The following SEPTIN4 variants were observed in gnomAD, a reference collection of about 807,000 sequenced individuals.
The protein encoded by SEPTIN4 is septin 4, also known as septin-4.
A neutral mutation model predicts 107.1 loss-of-function variants in SEPTIN4; 52 were observed. That is an observed-to-expected ratio of 0.49 (90% CI 0.39 to 0.61). The LOEUF is 0.61. Ranked by LOEUF, SEPTIN4 falls within the 20% of genes least tolerant of loss-of-function variation. SEPTIN4 has a pLI of 0.00. For missense variants in SEPTIN4, 1,048 were observed against 1,243.5 expected (o/e 0.84, Z 2.36); for synonymous variants, 417 against 467.0 (o/e 0.89, Z 1.38).
intron 4 of SEPTIN4, 108 bp from the exon 5 acceptor site, chr17:58,526,421 C>T (rs2042883059): frequency 1.5e-6 from 2 of 1,377,038 alleles, no homozygotes; most frequent in Admixed American, 3.5e-5. Flanking sequence ...CTTAAAAAAG[C>T]AGTGCCAGAC....
rs572555425 is a variant in SEPTIN4, at chr17:58,521,460, C to T, written c.2571+85G>A. On this transcript the variant is annotated intron_variant, in intron 10 of 13. Coordinates refer to ENST00000672673, the MANE Select transcript of SEPTIN4 (RefSeq NM_001368771.2). The surrounding 1 kb of genome is among the most constrained non-coding windows in gnomAD (Gnocchi z 6.4). ...CTAGGAAGCCAGGGTCCTTTCCCAC[C>T]CTGATAGCCTGAATATAGAATTCTA... is the stretch of plus-strand genomic sequence containing the variant. The T allele has an allele frequency of 2.6e-6, 4 of 1,567,532 alleles. No homozygotes were observed. The African/African-American group carries it at 4.1e-5, about 16-fold the overall frequency.
rs563417422 is a variant in SEPTIN4, at chr17:58,520,260, C to T, written c.*166G>A. The T allele has an allele frequency of 3.2e-6, 2 of 632,876 alleles. No homozygotes were observed. The highest frequency in any genetic ancestry group is 5.6e-5 in the East Asian group (2 of 35,620). The allele number at this position is 632,876 out of a possible 1,614,324, so 39.2% of individuals were successfully genotyped here. A position where few individuals can be genotyped will look rare whatever the true frequency, so the allele number is the denominator to read the frequency against. On this transcript the variant is annotated 3_prime_UTR_variant, in exon 14 of 14. Coordinates refer to ENST00000672673, the MANE Select transcript of SEPTIN4 (RefSeq NM_001368771.2). ...ATACACACAGGGACACCAGAAGCCA[C>T]CTACAGATTTATTAAACTTTATTTC...
At chr17:58,532,052 C>T (rs2043520481) in intron 3 of SEPTIN4, 1 of 1,116,928 alleles carries the variant, frequency 9.0e-7, no homozygotes, top group Non-Finnish European at 1.1e-6. Context: ...GCACCGCCGT[C>T]ACCCTCCCGC....
chr17:58,525,811 T>C, intron 5 of SEPTIN4, 30 bp from the exon 6 acceptor site: 1 of 1,586,548 alleles, frequency 6.3e-7, no homozygotes, highest in Non-Finnish European at 8.7e-7. Context: ...AGGCACCAAA[T>C]CAGAAGGTAA....
intron 3 of SEPTIN4, among the ~76,000 whole-genome samples, chr17:58,537,020 C>A (rs1330968108): frequency 6.6e-6 from 1 of 152,238 alleles, no homozygotes; most frequent in Non-Finnish European, 1.5e-5. Context: ...TCACCACACA[C>A]CTTCTGAAAA....
chr17:58,523,183 G>A (rs2042456537), intron 7 of SEPTIN4, among the ~76,000 whole-genome samples: 1 of 152,052 alleles, frequency 6.6e-6, no homozygotes, highest in South Asian at 2.1e-4. Context: ...ACCAGACTGG[G>A]CAACATAGCG....
chr17:58,524,414 T>C (rs1479150912), intron 7 of SEPTIN4, among the ~76,000 whole-genome samples: 1 of 152,184 alleles, frequency 6.6e-6, no homozygotes, highest in Non-Finnish European at 1.5e-5. Context: ...CCTCCATACA[T>C]GCCCAGCCCT....
Position 58,522,084 on chromosome 17 carries a change from T to C in SEPTIN4, c.2234A>G (p.Glu745Gly), listed in dbSNP as rs201316821. The C allele has an allele frequency of 6.2e-7, 1 of 1,614,214 alleles. No homozygotes were observed. Among genetic ancestry groups the C allele is most frequent in the Non-Finnish European group, 8.5e-7 (1 of 1,180,040 alleles). Residue 745 changes from glutamate to glycine, a missense_variant, in exon 8 of 14, where the codon GAA (glutamate) becomes GGA (glycine). By Grantham distance (98) the Glu-to-Gly change is moderately conservative. Coordinates refer to ENST00000672673, the MANE Select transcript of SEPTIN4 (RefSeq NM_001368771.2). ...CTGCTCAAACTGCTGATCAATGTAT[T>C]CTGCCACAGGCTTCCAGCTGGGGCA... ...NNTECWKPVA[E>G]YIDQQFEQYF...
At chr17:58,522,217 C>A in intron 7 of SEPTIN4, 116 bp from the exon 8 acceptor site, 2 of 1,347,732 alleles carry the variant, frequency 1.5e-6, no homozygotes, top group Non-Finnish European at 2.0e-6. Context: ...ACTGTTATTC[C>A]CTGGCTTGCT....
At chr17:58,535,283 G>A (rs1226958870) in intron 3 of SEPTIN4, among the ~76,000 whole-genome samples, 1 of 152,236 alleles carries the variant, frequency 6.6e-6, no homozygotes, top group African/African-American at 2.4e-5. Flanking sequence ...CTGCTGAATG[G>A]CTGCAAAGAG....
intron 4 of SEPTIN4, 64 bp downstream of exon 4, chr17:58,526,618 C>A (rs1454935262): frequency 2.1e-6 from 3 of 1,423,946 alleles, no homozygotes; most frequent in Admixed American, 5.3e-5. Context: ...ACACACTCTG[C>A]TCCCTGCCCC....
At chr17:58,526,449 T>G in intron 4 of SEPTIN4, 136 bp from the exon 5 acceptor site, 1 of 1,389,466 alleles carries the variant, frequency 7.2e-7, no homozygotes. Flanking sequence ...AGTTCCCATC[T>G]GAGGCCACCA....
Position 58,520,658 on chromosome 17 carries a change from C to G in SEPTIN4, c.2931+85G>C, listed in dbSNP as rs1353995713. On this transcript the variant is annotated intron_variant, in intron 13 of 13. Coordinates refer to ENST00000672673, the MANE Select transcript of SEPTIN4 (RefSeq NM_001368771.2). ...CCAGGACCCAAATATGCACCAGAGC[C>G]AGGGATCTTTCTATTACCAAACAAA... 1.9e-6 allele frequency: 3 copies of G among 1,575,856 alleles called. No individual in the cohort carries two copies. In the African/African-American group the frequency reaches 4.1e-5, roughly 21 times the overall value.
chr17:58,526,551 G>A (rs2042897010), intron 4 of SEPTIN4, 131 bp downstream of exon 4: 4 of 1,386,404 alleles, frequency 2.9e-6, no homozygotes, highest in Non-Finnish European at 3.7e-6. Context: ...ACTGAAATAG[G>A]TCCCAGATAC....
At chr17:58,522,152 G>C (rs943814081) in intron 7 of SEPTIN4, 51 bp from the exon 8 acceptor site, 1 of 1,609,116 alleles carries the variant, frequency 6.2e-7, no homozygotes. Context: ...GAGCCACCTA[G>C]TGAGCTCTGG....
chr17:58,526,164 C>T (rs2042842957), intron 5 of SEPTIN4, 56 bp downstream of exon 5: 4 of 1,519,108 alleles, frequency 2.6e-6, no homozygotes, highest in Admixed American at 4.3e-5. Context: ...CACGGACACA[C>T]ACACCATCCC....
At chr17:58,532,232 CAG>C (rs909390683) in intron 3 of SEPTIN4, 11 of 370,054 alleles carry the variant, frequency 3.0e-5, no homozygotes, top group Non-Finnish European at 4.3e-5. Flanking sequence ...GCAGAGTATG[CAG>C]AGTCACCCAG....
intron 2 of SEPTIN4, 36 bp from the exon 3 acceptor site, chr17:58,540,709 G>A (rs1364799268): frequency 1.5e-6 from 2 of 1,332,250 alleles, no homozygotes; most frequent in East Asian, 6.2e-5. Context: ...CATTCCCAGG[G>A]GGCAGCAAAT....
At chr17:58,520,689 AC>A (rs2042168329) in intron 13 of SEPTIN4, 53 bp downstream of exon 13, 6 of 1,588,836 alleles carry the variant, frequency 3.8e-6, no homozygotes, top group Non-Finnish European at 5.2e-6. Context: ...ACAAAGAGAT[AC>A]CAACGTTGGT....
Sources: gnomAD v4.1 joint callset for allele counts (sites outside exome capture counted in the v4.1 genomes callset) on GRCh38, gnomAD v4.1.1 for gene constraint, Gnocchi (gnomAD v3.1) non-coding constraint, MANE v1.5 for transcripts, NCBI Gene and HGNC (gene_info 2026-07-23, HGNC 2026-07-21) for gene names.